The following GPC5 variants were observed in gnomAD, a reference collection of about 807,000 sequenced individuals.
GPC5 encodes glypican 5, also known as glypican-5.
Under a neutral mutation model 53.9 loss-of-function variants are expected in GPC5, and 47 were observed. The ratio of observed to expected loss-of-function variants is 0.87; its 90% CI spans 0.69 to 1.11. GPC5 has a LOEUF of 1.11. Ranked by LOEUF, GPC5 falls within the 50% of genes most tolerant of loss-of-function variation. GPC5 has a pLI of 0.00. For missense variants in GPC5, 748 were observed against 713.1 expected (o/e 1.05, Z -0.56); for synonymous variants, 286 against 263.3 (o/e 1.09, Z -0.84).
chr13:92,615,368 C>T (rs1193403113), intron 7 of GPC5, among the ~76,000 whole-genome samples: 1 of 152,164 alleles, frequency 6.6e-6, no homozygotes, highest in African/African-American at 2.4e-5. Context: ...GAGAAGCTTG[C>T]GTTTCCAGAA....
At chr13:92,578,816 T>C (rs1883271564) in intron 7 of GPC5, among the ~76,000 whole-genome samples, 1 of 152,154 alleles carries the variant, frequency 6.6e-6, no homozygotes. Flanking sequence ...AAATTAACCA[T>C]CACAGATGGC....
At chr13:92,328,135 T>G (rs966362528) in intron 7 of GPC5, among the ~76,000 whole-genome samples, 1 of 152,174 alleles carries the variant, frequency 6.6e-6, no homozygotes, top group Non-Finnish European at 1.5e-5. Context: ...TTCTTGAGAA[T>G]AGGAAATAGG....
intron 7 of GPC5, among the ~76,000 whole-genome samples, chr13:92,295,107 G>A (rs2043025631): frequency 6.6e-6 from 1 of 152,034 alleles, no homozygotes; most frequent in Non-Finnish European, 1.5e-5. Flanking sequence ...TGACATTACA[G>A]GTGTGAGCCA....
At chr13:92,740,458 A>G (rs1210667996) in intron 7 of GPC5, among the ~76,000 whole-genome samples, 3 of 152,048 alleles carry the variant, frequency 2.0e-5, no homozygotes, top group Non-Finnish European at 4.4e-5. Flanking sequence ...CTACTGTCCA[A>G]TTGTGAAATA....
chr13:92,029,127 AG>A (rs1259963229), intron 6 of GPC5, among the ~76,000 whole-genome samples: 1 of 152,168 alleles, frequency 6.6e-6, no homozygotes, highest in Admixed American at 6.6e-5. Flanking sequence ...TTACTAGCTC[AG>A]TATCACCGTT....
chr13:91,604,364 T>C (rs1337290095), intron 2 of GPC5, among the ~76,000 whole-genome samples: 12 of 151,194 alleles, frequency 7.9e-5, no homozygotes, highest in Admixed American at 3.3e-4. Flanking sequence ...GTTGGACATT[T>C]GGGTTGGTTC....
intron 6 of GPC5, among the ~76,000 whole-genome samples, chr13:92,141,516 T>A (rs1566453390): frequency 6.6e-6 from 1 of 152,216 alleles, no homozygotes; most frequent in African/African-American, 2.4e-5. Flanking sequence ...CCTCTCATTC[T>A]GAGAAACATG....
chr13:92,302,653 G>A (rs2043083535), intron 7 of GPC5, among the ~76,000 whole-genome samples: 1 of 152,160 alleles, frequency 6.6e-6, no homozygotes, highest in South Asian at 2.1e-4. Flanking sequence ...GGAATAGTTA[G>A]CAAGTACATT....
chr13:92,604,034 ATG>A (rs2139085254), intron 7 of GPC5, among the ~76,000 whole-genome samples: 1 of 152,336 alleles, frequency 6.6e-6, no homozygotes, highest in African/African-American at 2.4e-5. Flanking sequence ...GAAGAGAAGA[ATG>A]TATCATGAGT....
At chr13:92,054,190 T>G (rs1487311454) in intron 6 of GPC5, among the ~76,000 whole-genome samples, 1 of 147,948 alleles carries the variant, frequency 6.8e-6, no homozygotes, top group East Asian at 2.0e-4. Context: ...GTGTGTAGGC[T>G]CAAATGCTGA....
chr13:91,526,301 G>A (rs1886084393), intron 2 of GPC5, among the ~76,000 whole-genome samples: 1 of 152,060 alleles, frequency 6.6e-6, no homozygotes, highest in African/African-American at 2.4e-5. Flanking sequence ...CTAGATACTT[G>A]GAATTGAAAG....
chr13:92,124,476 A>G (rs1594772911), intron 6 of GPC5, among the ~76,000 whole-genome samples: 1 of 152,318 alleles, frequency 6.6e-6, no homozygotes, highest in Admixed American at 6.5e-5. Flanking sequence ...TATAGGCAGG[A>G]ACATTGTTAA....
chr13:92,175,161 A>AT (rs954447810), intron 7 of GPC5, among the ~76,000 whole-genome samples: 48 of 152,180 alleles, frequency 3.2e-4, no homozygotes, highest in African/African-American at 9.2e-4. Flanking sequence ...CCGAACTTTG[A>AT]TTTTTTCATT....
At chr13:92,742,029 C>T (rs959475214) in intron 7 of GPC5, among the ~76,000 whole-genome samples, 1 of 151,758 alleles carries the variant, frequency 6.6e-6, no homozygotes, top group African/African-American at 2.4e-5. Flanking sequence ...ATTGTGAATA[C>T]TGCCACAATA....
At chr13:92,143,028 G>A (rs1473191967) in intron 6 of GPC5, among the ~76,000 whole-genome samples, 1 of 152,098 alleles carries the variant, frequency 6.6e-6, no homozygotes, top group East Asian at 1.9e-4. Context: ...ATGTATTAAT[G>A]TTTAATGTGC....
At chr13:92,189,945 T>C (rs1477326714) in intron 7 of GPC5, among the ~76,000 whole-genome samples, 1 of 151,906 alleles carries the variant, frequency 6.6e-6, no homozygotes, top group African/African-American at 2.4e-5. Flanking sequence ...TTGGGAGAAA[T>C]AATGACTGAC....
chr13:92,334,081 G>C (rs2043306243), intron 7 of GPC5, among the ~76,000 whole-genome samples: 1 of 152,170 alleles, frequency 6.6e-6, no homozygotes, highest in African/African-American at 2.4e-5. Context: ...TCACAGCAAG[G>C]TTGTAGGAAT....
chr13:92,210,363 T>A (rs1670377933), intron 7 of GPC5, among the ~76,000 whole-genome samples: 1 of 152,192 alleles, frequency 6.6e-6, no homozygotes, highest in Non-Finnish European at 1.5e-5. Context: ...ATAGATATTT[T>A]AAAAATTGCT....
In GPC5 at chr13:92,618,785, T is replaced by C. The variant is rs1045091972; in HGVS notation, c.1562-247497T>C. ...AACATGACATAGACATAGAGTGTCA[T>C]GTGAAATAAAGATGGATCATATTAG... On this transcript the variant is annotated intron_variant, in intron 7 of 7. Coordinates refer to ENST00000377067, the MANE Select transcript of GPC5 (RefSeq NM_004466.6). Among the ~76,000 whole-genome samples, 9 of 151,682 alleles carry C rather than the reference T, an allele frequency of 5.9e-5. 1 individual carries two copies. Among genetic ancestry groups the C allele is most frequent in the Non-Finnish European group, 1.3e-4 (9 of 67,794 alleles).
Sources: allele counts gnomAD v4.1 joint callset (sites outside exome capture counted in the v4.1 genomes callset), GRCh38; gene constraint gnomAD v4.1.1; transcripts MANE v1.5; gene names NCBI Gene and HGNC (gene_info 2026-07-23, HGNC 2026-07-21).